CNIH3: variants seen among roughly 807,000 people sequenced by gnomAD.
CNIH3 encodes protein cornichon homolog 3.
Under a neutral mutation model 24.1 loss-of-function variants are expected in CNIH3, and 14 were observed. That is an observed-to-expected ratio of 0.58 (90% confidence interval 0.38 to 0.91). The LOEUF is 0.91. Among genes scored for constraint, CNIH3 ranks in the 40% least tolerant of loss-of-function variants. CNIH3 has a pLI of 0.00. For synonymous variants in CNIH3, 68 were observed against 73.8 expected, an observed-to-expected ratio of 0.92 and a Z score of 0.40; for missense variants, 178 against 196.8, an observed-to-expected ratio of 0.90 and a Z score of 0.57.
intron 1 of CNIH3, among the ~76,000 whole-genome samples, chr1:224,641,094 T>C (rs1684335713): frequency 6.6e-6 from 1 of 152,220 alleles, no homozygotes; most frequent in Non-Finnish European, 1.5e-5. Context: ...AATTGGGATG[T>C]GAAGACGCTG....
At chr1:224,645,688 C>T (rs74146222) in intron 1 of CNIH3, among the ~76,000 whole-genome samples, 2,347 of 152,308 alleles carry the variant, frequency 0.015, 54 homozygotes, top group African/African-American at 0.053. Context: ...TTGTGGCCAG[C>T]GGATATTCAC....
At chr1:224,591,692 C>G (rs146277515), downstream of CNIH3, among the ~76,000 whole-genome samples, 649 of 152,270 alleles carry the variant, frequency 4.3e-3, 4 homozygotes, top group African/African-American at 0.015. Flanking sequence ...TTACCTCTCT[C>G]CAGGAAGCCA....
At chr1:224,619,999 CT>C (rs1683205064) in intron 1 of CNIH3, among the ~76,000 whole-genome samples, 1 of 152,330 alleles carries the variant, frequency 6.6e-6, no homozygotes, top group Non-Finnish European at 1.5e-5. Context: ...TTTTCCTCCC[CT>C]TTTTTCCCAC....
chr1:224,575,694 G>T (rs1335795078), intron 4 of CNIH3, among the ~76,000 whole-genome samples: 1 of 151,868 alleles, frequency 6.6e-6, no homozygotes, highest in African/African-American at 2.4e-5. Context: ...TTGACTGCTT[G>T]GAAATGTCAT....
chr1:224,614,293 A>G (rs530566464), upstream of CNIH3, among the ~76,000 whole-genome samples: 1 of 152,316 alleles, frequency 6.6e-6, no homozygotes, highest in Admixed American at 6.5e-5. Flanking sequence ...AATAAAATGT[A>G]GATCGGTTCA....
intron 1 of CNIH3, among the ~76,000 whole-genome samples, chr1:224,665,331 T>A (rs1685543889): frequency 6.6e-6 from 1 of 152,132 alleles, no homozygotes; most frequent in South Asian, 2.1e-4. Flanking sequence ...CTACTTCATC[T>A]AAATGAAGAA....
At chr1:224,497,651 G>A (rs1677491669) in intron 1 of CNIH3, among the ~76,000 whole-genome samples, 1 of 152,160 alleles carries the variant, frequency 6.6e-6, no homozygotes, top group African/African-American at 2.4e-5. Flanking sequence ...CTTTTTTTAT[G>A]TGTTGCTGTT....
In CNIH3 at chr1:224,736,603, G is replaced by T. The variant is rs1015156643; in HGVS notation, c.455+1897G>T. Among the ~76,000 whole-genome samples the T allele has an allele frequency of 1.2e-4, 18 of 152,344 alleles. No homozygotes were observed. In the East Asian group the frequency reaches 1.3e-3, roughly 11 times the overall value. The stretch of plus-strand genomic sequence containing the variant: ...AACAAGCTCTCTGGACAATCTTGGT[G>T]CACACCTTGGTGGCTCTGGAGCATT... On this transcript the variant is annotated intron_variant, in intron 5 of 5. Coordinates refer to ENST00000272133, the MANE Select transcript of CNIH3 (RefSeq NM_152495.2).
rs139387976 is a variant in CNIH3 at position 224,463,756 on chromosome 1, G to A, written n.203+28894G>A. ...GTGCTTTGTGATGATTTTTCTCCCA[G>A]CTTATGAATTGTCCTCATTTTTTTT... On this transcript the variant is annotated intron_variant and non_coding_transcript_variant, in intron 1 of 5. Coordinates refer to the CNIH3 transcript ENST00000471578. Among the ~76,000 whole-genome samples, 423 of 111,576 alleles carry A rather than the reference G, an allele frequency of 3.8e-3. 1 individual carries two copies. Among genetic ancestry groups the A allele is most frequent in the African/African-American group, 0.014 (390 of 27,602 alleles). The allele number at this position is 111,576 out of a possible 152,430, so 73.2% of individuals were successfully genotyped here.
rs146664711 is a variant in CNIH3 at position 224,670,840 on chromosome 1, C to T, written c.82-10118C>T. Among the ~76,000 whole-genome samples the T allele has an allele frequency of 3.4e-3, 516 of 152,344 alleles. 3 individuals are homozygous for T. Among genetic ancestry groups the T allele is most frequent in the African/African-American group, 0.012 (494 of 41,590 alleles). ...TGGGGGTTTGTGGTGGTTAACTTTG[C>T]ATGTCAATGTGACTTGGCTATGATG... On this transcript the variant is annotated intron_variant, in intron 1 of 5. Transcript: ENST00000272133.
chr1:224,488,991 A>G (rs777695553), intron 1 of CNIH3, among the ~76,000 whole-genome samples: 2 of 152,064 alleles, frequency 1.3e-5, no homozygotes, highest in Admixed American at 6.6e-5. Flanking sequence ...TTCAGGGTTG[A>G]TCTTCATTGA....
At chr1:224,532,566 C>T (rs1016709388) in intron 2 of CNIH3, among the ~76,000 whole-genome samples, 2 of 152,064 alleles carry the variant, frequency 1.3e-5, no homozygotes, top group African/African-American at 2.4e-5. Context: ...GTATTCTGGG[C>T]CTGAGATCTA....
chr1:224,726,532 C>T (rs1436873573), intron 3 of CNIH3, among the ~76,000 whole-genome samples: 1 of 152,120 alleles, frequency 6.6e-6, no homozygotes, highest in Non-Finnish European at 1.5e-5. Flanking sequence ...TTAATAGGGG[C>T]CCTTTGAGGT....
intron 1 of CNIH3, among the ~76,000 whole-genome samples, chr1:224,621,327 G>A (rs1683267763): frequency 6.6e-6 from 1 of 152,210 alleles, no homozygotes. Flanking sequence ...CACAGGCTCA[G>A]CCTCTGGAAG....
chr1:224,465,031 C>T (rs897357731), intron 1 of CNIH3, among the ~76,000 whole-genome samples: 15 of 152,030 alleles, frequency 9.9e-5, no homozygotes, highest in South Asian at 2.1e-4. Flanking sequence ...TGGACTTGAG[C>T]GACCCTCCCA....
At chr1:224,724,142 G>A (rs958125443) in intron 3 of CNIH3, among the ~76,000 whole-genome samples, 15 of 152,154 alleles carry the variant, frequency 9.9e-5, no homozygotes, top group Non-Finnish European at 1.6e-4. Flanking sequence ...TTGTCTTATG[G>A]CTTAAAACTA....
intron 1 of CNIH3, among the ~76,000 whole-genome samples, chr1:224,508,838 A>C (rs1313783660): frequency 6.6e-6 from 1 of 152,222 alleles, no homozygotes; most frequent in Non-Finnish European, 1.5e-5. Flanking sequence ...TTTATTAAAC[A>C]CGTGATATAT....
At chr1:224,646,036 A>G (rs1016878463) in intron 1 of CNIH3, among the ~76,000 whole-genome samples, 1 of 152,228 alleles carries the variant, frequency 6.6e-6, no homozygotes, top group Non-Finnish European at 1.5e-5. Flanking sequence ...TTGAGCACCC[A>G]TTGATCAGTC....
chr1:224,691,351 A>G (rs1686924394), intron 3 of CNIH3, among the ~76,000 whole-genome samples: 1 of 152,216 alleles, frequency 6.6e-6, no homozygotes, highest in Admixed American at 6.5e-5. Flanking sequence ...CTATAAGCAG[A>G]GTATATTTCC....
Sources: allele counts gnomAD v4.1 joint callset (sites outside exome capture counted in the v4.1 genomes callset), GRCh38; gene constraint gnomAD v4.1.1; transcripts MANE v1.5; gene names NCBI Gene and HGNC (gene_info 2026-07-23, HGNC 2026-07-21).